The following ADAM23 variants were observed in gnomAD, a reference collection of about 807,000 sequenced individuals.
The protein encoded by ADAM23 is disintegrin and metalloproteinase domain-containing protein 23.
A neutral mutation model predicts 120.1 loss-of-function variants in ADAM23; 33 were observed. That is an observed-to-expected ratio of 0.27 (90% CI 0.21 to 0.37). ADAM23 has a LOEUF of 0.37. Among genes scored for constraint, ADAM23 ranks in the 10% least tolerant of loss-of-function variants. ADAM23 has a pLI of 1.00. For missense variants in ADAM23, 862 were observed against 1,058.2 expected (o/e 0.81, Z 2.57); for synonymous variants, 367 against 375.2 (o/e 0.98, Z 0.25).
At chr2:206,575,466 A>G (rs1391894560) in intron 18 of ADAM23, among the ~76,000 whole-genome samples, 1 of 152,188 alleles carries the variant, frequency 6.6e-6, no homozygotes, top group Non-Finnish European at 1.5e-5. Context: ...TATTAGTAGT[A>G]TAGAAGTGAA....
chr2:206,483,924 G>T (rs921721901), intron 3 of ADAM23, among the ~76,000 whole-genome samples: 2 of 152,140 alleles, frequency 1.3e-5, no homozygotes, highest in African/African-American at 4.8e-5. Context: ...GAGAGCAGAA[G>T]ACATTGGGAT....
At chr2:206,489,072 A>G (rs1440654944) in intron 3 of ADAM23, among the ~76,000 whole-genome samples, 1 of 152,120 alleles carries the variant, frequency 6.6e-6, no homozygotes, top group East Asian at 1.9e-4. Flanking sequence ...GTAAGAAGGA[A>G]CATGTGGAGA....
intron 2 of ADAM23, among the ~76,000 whole-genome samples, chr2:206,461,352 C>T (rs1193129844): frequency 1.3e-5 from 2 of 152,000 alleles, no homozygotes; most frequent in Middle Eastern, 3.2e-3. Context: ...TGACCCATCG[C>T]GTCTGGCTTG....
intron 2 of ADAM23, among the ~76,000 whole-genome samples, chr2:206,479,244 C>T (rs1396122095): frequency 1.3e-5 from 2 of 152,154 alleles, no homozygotes; most frequent in Non-Finnish European, 2.9e-5. Flanking sequence ...ACATTTACCA[C>T]CAGATTACCT....
Position 206,590,491 on chromosome 2 carries a change from G to A in ADAM23, c.1958+977G>A, listed in dbSNP as rs7581600. Among the ~76,000 whole-genome samples, 554 of 152,256 alleles carry A rather than the reference G, an allele frequency of 3.6e-3. 7 individuals are homozygous for A. Among genetic ancestry groups the A allele is most frequent in the African/African-American group, 0.013 (523 of 41,554 alleles). On this transcript the variant is annotated intron_variant, in intron 21 of 25. Transcript: ENST00000264377. The stretch of plus-strand genomic sequence containing the variant: ...TACTGTGGAACAATGGAATCATTAA[G>A]GAATAGCCCAAACCTCTTTCCTTTT...
At chr2:206,508,317 T>C (rs1247342364) in intron 3 of ADAM23, among the ~76,000 whole-genome samples, 8 of 152,286 alleles carry the variant, frequency 5.3e-5, no homozygotes, top group Non-Finnish European at 8.8e-5. Context: ...TGAGCCACTG[T>C]GTCCGGCCGC....
chr2:206,481,588 T>A (rs1695898397), intron 3 of ADAM23, among the ~76,000 whole-genome samples: 1 of 152,132 alleles, frequency 6.6e-6, no homozygotes, highest in Non-Finnish European at 1.5e-5. Context: ...TTAATTATAA[T>A]CATCACTATA....
intron 6 of ADAM23, 59 bp downstream of exon 6, chr2:206,543,375 G>C: frequency 7.3e-7 from 1 of 1,366,278 alleles, no homozygotes; most frequent in Non-Finnish European, 1.0e-6. Context: ...CTTTGTCTTT[G>C]AGAAGAAAAG....
Position 206,462,510 on chromosome 2 carries a change from C to T in ADAM23, c.432+16986C>T, listed in dbSNP as rs369173830. ...CGCCCTACCACTTCGATTTTTCTTCCTTACTTATTTTGAATTTGCTGTGGT... is the reference window on the plus strand; with the variant it reads ...CGCCCTACCACTTCGATTTTTCTTCTTTACTTATTTTGAATTTGCTGTGGT... On this transcript the variant is annotated intron_variant, in intron 2 of 25. Transcript: ENST00000264377. Among the ~76,000 whole-genome samples, 33 of 152,268 alleles carry T rather than the reference C, an allele frequency of 2.2e-4. No individual in the cohort carries two copies. The East Asian group carries it at 4.1e-3, about 19-fold the overall frequency.
At chr2:206,488,231 A>G (rs1273449154) in intron 3 of ADAM23, among the ~76,000 whole-genome samples, 1 of 152,224 alleles carries the variant, frequency 6.6e-6, no homozygotes, top group African/African-American at 2.4e-5. Context: ...TGCGTAAGAC[A>G]CTGTGCTGAG....
chr2:206,569,797 C>T (rs1011289743), intron 15 of ADAM23, among the ~76,000 whole-genome samples: 8 of 152,122 alleles, frequency 5.3e-5, no homozygotes, highest in African/African-American at 1.9e-4. Flanking sequence ...AATAGTTTTG[C>T]CTTCCTGGAA....
chr2:206,521,000 A>G (rs1041090204), intron 3 of ADAM23, among the ~76,000 whole-genome samples: 1 of 151,910 alleles, frequency 6.6e-6, no homozygotes, highest in East Asian at 1.9e-4. Flanking sequence ...GTCCCTGTCT[A>G]TAGGATCTTC....
At chr2:206,462,501 T>C (rs2105860746) in intron 2 of ADAM23, among the ~76,000 whole-genome samples, 1 of 152,326 alleles carries the variant, frequency 6.6e-6, no homozygotes, top group Admixed American at 6.5e-5. Context: ...ACCACTTCGA[T>C]TTTTCTTCCT....
At chr2:206,517,296 A>G (rs1437300519) in intron 3 of ADAM23, among the ~76,000 whole-genome samples, 1 of 152,018 alleles carries the variant, frequency 6.6e-6, no homozygotes, top group African/African-American at 2.4e-5. Context: ...CCGAGTCTCA[A>G]AGTTTTCTTG....
At chr2:206,444,203 C>T in intron 1 of ADAM23, 123 bp downstream of exon 1, 1 of 707,042 alleles carries the variant, frequency 1.4e-6, no homozygotes, top group Non-Finnish European at 2.0e-6. Flanking sequence ...TCCCTCCCTG[C>T]CTGTCTTTCC....
intron 4 of ADAM23, among the ~76,000 whole-genome samples, chr2:206,534,639 G>A (rs1697135287): frequency 6.6e-6 from 1 of 152,166 alleles, no homozygotes. Flanking sequence ...AAAACACTAT[G>A]AAAGTACTTT....
chr2:206,581,809 G>A (rs990277198), intron 18 of ADAM23, among the ~76,000 whole-genome samples: 3 of 152,170 alleles, frequency 2.0e-5, no homozygotes, highest in Non-Finnish European at 4.4e-5. Flanking sequence ...GTCTAGTGCT[G>A]TCAGTGGAGT....
chr2:206,511,404 T>A (rs1339762514), intron 3 of ADAM23, among the ~76,000 whole-genome samples: 1 of 152,192 alleles, frequency 6.6e-6, no homozygotes, highest in East Asian at 1.9e-4. Flanking sequence ...CTTCCATGCA[T>A]GGGGACAGCT....
At chr2:206,523,041 A>ACT (rs1277053461) in intron 3 of ADAM23, among the ~76,000 whole-genome samples, 1 of 152,118 alleles carries the variant, frequency 6.6e-6, no homozygotes, top group Admixed American at 6.6e-5. Context: ...TCAGAAGGGA[A>ACT]CTCTCACTGG....
Sources: gnomAD v4.1 joint callset for allele counts (sites outside exome capture counted in the v4.1 genomes callset) on GRCh38, gnomAD v4.1.1 for gene constraint, MANE v1.5 for transcripts, NCBI Gene and HGNC (gene_info 2026-07-23, HGNC 2026-07-21) for gene names.